The following FBXL5 variants were observed in gnomAD, a reference collection of about 807,000 sequenced individuals.
The protein encoded by FBXL5 is F-box/LRR-repeat protein 5.
In FBXL5, 26 loss-of-function variants were observed where a neutral mutation model predicts 78.3. The ratio of observed to expected loss-of-function variants is 0.33; its 90% confidence interval spans 0.24 to 0.46. FBXL5 has a LOEUF of 0.46. FBXL5 is among the 20% of genes least tolerant of loss of function. The probability of loss-of-function intolerance (pLI) is 1.00; values close to 1 mark genes in which losing one functional copy is unlikely to be tolerated. For synonymous variants in FBXL5, 295 were observed against 282.5 expected (o/e 1.04, Z -0.45); for missense variants, 710 against 829.2 (o/e 0.86, Z 1.77).
At chr4:15,635,421 C>T (rs1466595364) in intron 5 of FBXL5, among the ~76,000 whole-genome samples, 1 of 151,234 alleles carries the variant, frequency 6.6e-6, no homozygotes, top group South Asian at 2.1e-4. Flanking sequence ...AAGTCATAAA[C>T]AGAAAACAAT....
chr4:15,639,024 C>T (rs936707840), intron 3 of FBXL5, among the ~76,000 whole-genome samples: 3 of 152,050 alleles, frequency 2.0e-5, no homozygotes, highest in African/African-American at 7.2e-5. Flanking sequence ...AGTAGCCGGG[C>T]GTGGTGGCGC....
At position 15,655,243 on chromosome 4, in the gene FBXL5, G is replaced by C. The variant is rs1380706876; in HGVS notation, c.45C>G (p.His15Gln). The part of the protein sequence containing the change: ...PEEVDVFTAP[H>Q]WRMKQLVGLY... ...GCCCCACCAGCTGCTTCATCCGCCA[G>C]TGTGGGGCGGTGAAGACGTCCACTT... Residue 15 changes from histidine to glutamine, a missense_variant, in exon 1 of 11, where the codon CAC becomes CAG. By Grantham distance (24) the His-to-Gln change is conservative (BLOSUM62 0). Transcript: ENST00000341285. 2.1e-6 allele frequency: 3 copies of C among 1,442,582 alleles called. No homozygotes were observed. Among genetic ancestry groups the C allele is most frequent in the Non-Finnish European group, 2.8e-6 (3 of 1,078,688 alleles). The allele number at this position is 1,442,582 out of a possible 1,614,324, so 89.4% of individuals were successfully genotyped here.
rs748283204 is a variant in FBXL5, at chr4:15,625,428, T to G, written c.1674A>C (p.Arg558Ser). The G allele has an allele frequency of 6.2e-7, 1 of 1,614,124 alleles. No individual in the cohort carries two copies. Among genetic ancestry groups the G allele is most frequent in the Non-Finnish European group, 8.5e-7 (1 of 1,180,012 alleles). Residue 558 changes from arginine (R) to serine (S), a missense_variant, in exon 9 of 11, where the codon AGA becomes AGC. Physicochemically the swap from Arg to Ser is moderately radical, Grantham distance 110 (BLOSUM62 -1). Coordinates refer to ENST00000341285, the MANE Select transcript of FBXL5 (RefSeq NM_012161.4). ...AAGATTCTGGGAGTGATGACATAGT[T>G]CTTAAAGCTGTTCCTGTACAACAAA... ...HSFCCTGTAL[R>S]TMSSLPESSA...
rs550812752 is a variant in FBXL5 at position 15,628,680 on chromosome 4, T to C, written c.893-647A>G. 2.6e-5 allele frequency among the ~76,000 whole-genome samples: 4 copies of C among 151,528 alleles called. No homozygotes were observed. In the East Asian group the frequency reaches 7.8e-4, roughly 30 times the overall value. On this transcript the variant is annotated intron_variant, in intron 6 of 10. Coordinates refer to ENST00000341285, the MANE Select transcript of FBXL5 (RefSeq NM_012161.4). ...AAGTCTCATTTAAAACAAAACTAAGTATAGCAGACAAAAGGATATCAACTA... is the reference window on the plus strand; with the variant it reads ...AAGTCTCATTTAAAACAAAACTAAGCATAGCAGACAAAAGGATATCAACTA...
intron 9 of FBXL5, among the ~76,000 whole-genome samples, chr4:15,623,916 G>C (rs1023718853): frequency 2.0e-5 from 3 of 151,536 alleles, no homozygotes; most frequent in Non-Finnish European, 4.4e-5. Flanking sequence ...TCCGTCTCCC[G>C]GGTTCACACC....
rs755329891 is a variant in FBXL5 at position 15,625,374 on chromosome 4, A to G, written c.1728T>C (p.Thr576=). 2 of 1,614,210 alleles carry G rather than the reference A, an allele frequency of 1.2e-6. No homozygotes were observed. Among genetic ancestry groups the G allele is most frequent in the Non-Finnish European group, 1.7e-6 (2 of 1,180,028 alleles). The change falls in exon 9 of 11, where the codon ACT becomes ACC. Residue 576 remains threonine (T), a synonymous_variant. Transcript: ENST00000341285. ...SSAMCRKAAR[T]RLPRGKDLIY... is the part of the protein sequence containing the mutation. ...TTAAGTCTTTTCCCCTAGGCAATCT[A>G]GTCCTTGCTGCTTTTCTACACATTG...
At chr4:15,672,091 T>C (rs1717793012) in intron 1 of FBXL5, among the ~76,000 whole-genome samples, 1 of 152,222 alleles carries the variant, frequency 6.6e-6, no homozygotes, top group Admixed American at 6.5e-5. Flanking sequence ...TCTTGAGCTT[T>C]GTTCTAGAAT....
chr4:15,628,000 A>G lies in FBXL5; in HGVS notation c.926T>C (p.Ile309Thr). 1 of 1,613,796 alleles carries G rather than the reference A, an allele frequency of 6.2e-7. No individual in the cohort carries two copies. The change falls in exon 7 of 11, where the codon ATT becomes ACT. Residue 309 changes from isoleucine to threonine, a missense_variant. By Grantham distance (89) the Ile-to-Thr change is moderately conservative (BLOSUM62 -1). Around this residue, in one of 4 missense-constraint regions of FBXL5, gnomAD observed 517 missense variants for 542.9 expected, o/e 0.95. Transcript: ENST00000341285. ...ESAEESIAIS[I>T]AQMEKRLLHG... ...GAGTAAACGTTTTTCCATTTGTGCA[A>G]TGCTGATAGCAATTGATTCCTCCGC...
upstream of FBXL5, chr4:15,655,409 C>G (rs1379616654): frequency 3.9e-6 from 4 of 1,014,554 alleles, no homozygotes; most frequent in Non-Finnish European, 4.7e-6. Context: ...CGCGCGCGCC[C>G]GGTCGGCTTG....
chr4:15,628,240 A>G (rs1713269585), intron 6 of FBXL5, among the ~76,000 whole-genome samples: 1 of 152,226 alleles, frequency 6.6e-6, no homozygotes, highest in African/African-American at 2.4e-5. Context: ...AGAAAAGAAA[A>G]TATGATATCA....
At chr4:15,647,222 C>CAAAAA (rs112736448) in intron 1 of FBXL5, among the ~76,000 whole-genome samples, 172 of 35,656 alleles carry the variant, frequency 4.8e-3, no homozygotes, top group East Asian at 0.013. Context: ...GACTCCATCT[C>CAAAAA]AAAAAAAAAA....
chr4:15,611,431 GACAGGT>G (rs974440421), intron 10 of FBXL5, among the ~76,000 whole-genome samples: 2 of 152,038 alleles, frequency 1.3e-5, no homozygotes, highest in African/African-American at 4.8e-5. Context: ...AGTATAAAAA[GACAGGT>G]ACATAGTAGT....
At chr4:15,617,092 C>T (rs983230313) in intron 9 of FBXL5, among the ~76,000 whole-genome samples, 37 of 152,208 alleles carry the variant, frequency 2.4e-4, no homozygotes, top group Admixed American at 2.4e-3. Context: ...AGCAGCAATT[C>T]AACCCAGCAA....
intron 1 of FBXL5, among the ~76,000 whole-genome samples, chr4:15,646,809 T>C (rs867404189): frequency 1.6e-4 from 24 of 151,696 alleles, no homozygotes; most frequent in African/African-American, 5.6e-4. Context: ...GGTTTTTTTG[T>C]CCTTGCGACA....
intron 10 of FBXL5, 75 bp from the exon 11 acceptor site, chr4:15,605,874 G>T: frequency 8.9e-7 from 1 of 1,121,522 alleles, no homozygotes; most frequent in Non-Finnish European, 1.3e-6. Flanking sequence ...TTATGAAGGA[G>T]TTAAACATTC....
chr4:15,633,427 C>A (rs1713900455), intron 5 of FBXL5, among the ~76,000 whole-genome samples: 1 of 152,146 alleles, frequency 6.6e-6, no homozygotes, highest in Non-Finnish European at 1.5e-5. Context: ...TAAAAGGAAG[C>A]AGGATTGTCT....
intron 7 of FBXL5, 68 bp from the exon 8 acceptor site, chr4:15,627,023 T>C (rs1713130381): frequency 6.6e-6 from 6 of 907,162 alleles, no homozygotes; most frequent in Non-Finnish European, 1.0e-5. Context: ...CAGATGACTA[T>C]TAGTAAACAT....
At chr4:15,640,588 T>C (rs936079731) in intron 3 of FBXL5, among the ~76,000 whole-genome samples, 200 bp downstream of exon 3, 1 of 152,012 alleles carries the variant, frequency 6.6e-6, no homozygotes, top group Non-Finnish European at 1.5e-5. Context: ...ATCTATTCAA[T>C]GAAAAGCAAC....
intron 1 of FBXL5, among the ~76,000 whole-genome samples, chr4:15,674,654 G>A (rs1022974236): frequency 7.0e-6 from 1 of 142,044 alleles, no homozygotes. Context: ...GGATTTTTGG[G>A]TTTTTTTTTT....
Sources: allele counts gnomAD v4.1 joint callset (sites outside exome capture counted in the v4.1 genomes callset), GRCh38; gene constraint gnomAD v4.1.1; regional missense constraint gnomAD v4.1.1; transcripts MANE v1.5; gene names NCBI Gene and HGNC (gene_info 2026-07-23, HGNC 2026-07-21).